Variants in CELF2 observed in about 807,000 individuals in gnomAD.
CELF2 encodes CUGBP Elav-like family member 2, also known as CUG triplet repeat RNA-binding protein 2.
A neutral mutation model predicts 62.6 loss-of-function variants in CELF2; 8 were observed. The observed-to-expected ratio is 0.13, with a 90% CI of 0.07 to 0.23. The LOEUF (loss-of-function observed/expected upper bound fraction) is 0.23, where lower values mean the gene tolerates loss of function less well. CELF2 is among the 10% of genes least tolerant of loss of function. The probability of loss-of-function intolerance (pLI) is 1.00; values close to 1 mark genes in which losing one functional copy is unlikely to be tolerated. For missense variants in CELF2, 333 were observed against 671.0 expected, an observed-to-expected ratio of 0.50 and a Z score of 5.56; for synonymous variants, 258 against 250.0, an observed-to-expected ratio of 1.03 and a Z score of -0.30.
intron 2 of CELF2, among the ~76,000 whole-genome samples, chr10:11,198,266 T>C (rs371555735): frequency 9.2e-5 from 14 of 152,388 alleles, no homozygotes; most frequent in South Asian, 6.2e-4. Context: ...TCTGCTGTCC[T>C]TAATATGGGA....
chr10:11,038,089 G>A (rs1446844407), intron 1 of CELF2, among the ~76,000 whole-genome samples: 1 of 152,210 alleles, frequency 6.6e-6, no homozygotes, highest in Non-Finnish European at 1.5e-5. Flanking sequence ...TGTTGCTGCT[G>A]GTGATAACAG....
At chr10:10,624,166 G>C in the CELF2 span, among the ~76,000 whole-genome samples, 2 of 152,306 alleles carry the variant, frequency 1.3e-5, no homozygotes, top group East Asian at 3.9e-4. Flanking sequence ...CCCTGTCTCC[G>C]TGGCCTCCGC....
At chr10:10,626,354 C>A in the CELF2 span, among the ~76,000 whole-genome samples, 1 of 152,092 alleles carries the variant, frequency 6.6e-6, no homozygotes, top group Non-Finnish European at 1.5e-5. Flanking sequence ...TGTGTTAGTG[C>A]TAGGTATGGA....
chr10:11,206,622 A>G (rs2060492540), intron 2 of CELF2, among the ~76,000 whole-genome samples: 1 of 152,210 alleles, frequency 6.6e-6, no homozygotes, highest in African/African-American at 2.4e-5. Context: ...CCAGCTGGCC[A>G]GGGAGTTGAG....
In CELF2 at chr10:11,246,513, C is replaced by T. The variant is rs77404843; in HGVS notation, c.355-2640C>T. On this transcript the variant is annotated intron_variant, in intron 3 of 12. Coordinates refer to ENST00000633077, the MANE Select transcript of CELF2 (RefSeq NM_001326342.2). This position sits in a 1 kb window ranked among gnomAD's most constrained non-coding sequence, Gnocchi z 4.6. ...CTTCCCATGACCAGTTGTTCACTGC[C>T]CCTCCACAGAACCTACTTCTGATAA... is the stretch of plus-strand genomic sequence containing the variant. Among the ~76,000 whole-genome samples, 573 of 152,260 alleles carry T rather than the reference C, an allele frequency of 3.8e-3. 12 individuals carry two copies. In the East Asian group the frequency reaches 0.064, roughly 17 times the overall value.
At chr10:10,754,061 G>GTTT in the CELF2 span, among the ~76,000 whole-genome samples, 4 of 85,052 alleles carry the variant, frequency 4.7e-5, no homozygotes, top group East Asian at 4.9e-4. Context: ...TGCTGAGGTG[G>GTTT]TTTTTTTTTT....
At chr10:11,160,133 C>T (rs1321219997) in intron 1 of CELF2, among the ~76,000 whole-genome samples, 1 of 152,238 alleles carries the variant, frequency 6.6e-6, no homozygotes, top group Admixed American at 6.5e-5. Flanking sequence ...GTTATATTAT[C>T]TAAATTAGCT....
the CELF2 span, among the ~76,000 whole-genome samples, chr10:10,703,254 G>T: frequency 6.6e-6 from 1 of 152,252 alleles, no homozygotes; most frequent in East Asian, 1.9e-4. Flanking sequence ...GTAATTGTCT[G>T]CTTTTTACAG....
chr10:10,567,929 A>G, the CELF2 span, among the ~76,000 whole-genome samples: 2 of 152,102 alleles, frequency 1.3e-5, no homozygotes, highest in African/African-American at 2.4e-5. Flanking sequence ...AACTCCTACA[A>G]TCCATGATTA....
intron 4 of CELF2, 51 bp from the exon 5 acceptor site, chr10:11,257,687 A>G: frequency 6.3e-7 from 1 of 1,599,578 alleles, no homozygotes; most frequent in Non-Finnish European, 8.6e-7. Flanking sequence ...CATTGATTAC[A>G]AGAAAAAAAG....
the CELF2 span, among the ~76,000 whole-genome samples, chr10:10,547,673 T>TAGATAG: frequency 6.6e-5 from 9 of 135,346 alleles, no homozygotes; most frequent in East Asian, 1.4e-3. Context: ...ACCAAAAAGA[T>TAGATAG]AGAGAGAGAG....
rs1299812837 is a variant in CELF2 at position 11,305,056 on chromosome 10, C to T, written c.977-9083C>T. On this transcript the variant is annotated intron_variant, in intron 9 of 12. Transcript: ENST00000633077. The surrounding 1 kb of genome is among the most constrained non-coding windows in gnomAD (Gnocchi z 4.8). ...CGCATCGGCATCTTCTGGTTCAACT[C>T]GGTGCCCCTCCTCCAGCCCTGGCCC... 7.0e-5 allele frequency among the ~76,000 whole-genome samples: 5 copies of T among 71,852 alleles called. No homozygotes were observed. The Admixed American group carries it at 8.3e-4, about 12-fold the overall frequency. The allele number at this position is 71,852 out of a possible 152,430, so 47.1% of individuals were successfully genotyped here. A position where few individuals can be genotyped will look rare whatever the true frequency, so the allele number is the denominator to read the frequency against.
intron 1 of CELF2, among the ~76,000 whole-genome samples, chr10:10,912,647 CGT>C (rs2063918022): frequency 6.6e-6 from 1 of 152,174 alleles, no homozygotes; most frequent in African/African-American, 2.4e-5. Context: ...GGATTACAGG[CGT>C]GTGCCAGTGC....
In CELF2 at chr10:10,963,940, G is replaced by T. The variant is rs190593424; in HGVS notation, c.89+43941G>T. 3.9e-5 allele frequency among the ~76,000 whole-genome samples: 6 copies of T among 152,150 alleles called. No individual in the cohort carries two copies. In the South Asian group the frequency reaches 1.0e-3, roughly 26 times the overall value. On this transcript the variant is annotated intron_variant, in intron 2 of 13. Transcript: ENST00000636488. ...CTGAGTTCTCTCCATATTCACAGCCGTCTAAAAAGATTCAGAAGGATTCTT... is the reference window on the plus strand; with the variant it reads ...CTGAGTTCTCTCCATATTCACAGCCTTCTAAAAAGATTCAGAAGGATTCTT...
rs915259518 is a variant in CELF2 at position 11,156,821 on chromosome 10, C to G, written c.75-8665C>G. Among the ~76,000 whole-genome samples the G allele has an allele frequency of 6.6e-6, 1 of 152,152 alleles. No individual in the cohort carries two copies. Among genetic ancestry groups the G allele is most frequent in the African/African-American group, 2.4e-5 (1 of 41,420 alleles). On this transcript the variant is annotated intron_variant, in intron 1 of 12. Coordinates refer to ENST00000633077, the MANE Select transcript of CELF2 (RefSeq NM_001326342.2). This position sits in a 1 kb window ranked among gnomAD's most constrained non-coding sequence, Gnocchi z 4.3. ...GCATGTTCTGTGTGCAGCACTGTTT[C>G]TGGTCATGGATTGCTGGTTGGGAAG...
the CELF2 span, among the ~76,000 whole-genome samples, chr10:10,723,037 T>A: frequency 6.6e-6 from 1 of 152,242 alleles, no homozygotes; most frequent in African/African-American, 2.4e-5. Flanking sequence ...CCCTCATCCA[T>A]CATTATGTAC....
chr10:10,699,296 T>C, the CELF2 span, among the ~76,000 whole-genome samples: 1 of 152,238 alleles, frequency 6.6e-6, no homozygotes, highest in African/African-American at 2.4e-5. Flanking sequence ...ATAACAATCA[T>C]GACAGTAATT....
the CELF2 span, among the ~76,000 whole-genome samples, chr10:10,543,978 G>A: frequency 2.0e-5 from 3 of 152,128 alleles, no homozygotes; most frequent in African/African-American, 2.4e-5. Context: ...TTTCTAACAC[G>A]CAGTTAATAT....
intron 1 of CELF2, among the ~76,000 whole-genome samples, chr10:11,113,000 C>T (rs949344813): frequency 2.0e-5 from 3 of 152,168 alleles, no homozygotes; most frequent in Non-Finnish European, 4.4e-5. Context: ...CTGACTGAGT[C>T]GTGAGTAAAC....
Sources: allele counts gnomAD v4.1 joint callset (sites outside exome capture counted in the v4.1 genomes callset), GRCh38; gene constraint gnomAD v4.1.1; non-coding constraint Gnocchi (gnomAD v3.1); transcripts MANE v1.5; gene names NCBI Gene and HGNC (gene_info 2026-07-23, HGNC 2026-07-21).